Variants in UNC5C observed in about 807,000 individuals in gnomAD.
The protein encoded by UNC5C is netrin receptor UNC5C.
Under a neutral mutation model 99.8 loss-of-function variants are expected in UNC5C, and 47 were observed. The observed-to-expected ratio is 0.47, with a 90% CI of 0.37 to 0.60. UNC5C has a LOEUF of 0.60. Among genes scored for constraint, UNC5C ranks in the 20% least tolerant of loss-of-function variants. UNC5C has a pLI of 0.00. For missense variants in UNC5C, 1,062 were observed against 1,165.9 expected (o/e 0.91, Z 1.30); for synonymous variants, 487 against 452.2 (o/e 1.08, Z -0.98).
At chr4:95,425,891 A>C (rs1160593681) in intron 1 of UNC5C, among the ~76,000 whole-genome samples, 1 of 152,168 alleles carries the variant, frequency 6.6e-6, no homozygotes, top group Non-Finnish European at 1.5e-5. Context: ...TTCATGTTTT[A>C]AATTTTTATT....
chr4:95,435,608 A>G (rs9993627), intron 1 of UNC5C, among the ~76,000 whole-genome samples: 26,636 of 151,970 alleles, frequency 0.18, 2,799 homozygotes, highest in South Asian at 0.32. Flanking sequence ...CCCTTCAAAC[A>G]TCTAACAGGT....
intron 1 of UNC5C, among the ~76,000 whole-genome samples, chr4:95,429,229 T>C (rs1184550534): frequency 4.6e-5 from 7 of 151,500 alleles, no homozygotes; most frequent in South Asian, 4.2e-4. Flanking sequence ...ATTTGATTTT[T>C]ACTTGCTGGA....
intron 14 of UNC5C, among the ~76,000 whole-genome samples, chr4:95,176,063 G>A (rs1171618213): frequency 6.6e-5 from 10 of 151,006 alleles, no homozygotes; most frequent in Non-Finnish European, 5.9e-5. Flanking sequence ...CATTCTTCAC[G>A]TAGTTCTTGA....
intron 11 of UNC5C, among the ~76,000 whole-genome samples, chr4:95,204,024 C>T (rs1452610777): frequency 2.7e-5 from 4 of 146,104 alleles, no homozygotes; most frequent in Middle Eastern, 3.4e-3. Flanking sequence ...GCAGGGTGGG[C>T]TGGGATGGTG....
At chr4:95,501,785 G>A (rs1473670585) in intron 1 of UNC5C, among the ~76,000 whole-genome samples, 1 of 152,060 alleles carries the variant, frequency 6.6e-6, no homozygotes, top group African/African-American at 2.4e-5. Flanking sequence ...AGGGAGTTTT[G>A]AATTTCACGT....
In UNC5C at chr4:95,258,746, C is replaced by CTTTTTTTTTTTTTTTTTTTTTTTT. The variant is rs775570031; in HGVS notation, c.595-8103_595-8080dup. Reference sequence around the variant, plus strand: ...ACTATGTGTAATCGACCATCTTATTCTTTTTTTTTTTTTTTTTTTTTTTTT... The same window carrying CTTTTTTTTTTTTTTTTTTTTTTTT: ...ACTATGTGTAATCGACCATCTTATTCTTTTTTTTTTTTTTTTTTTTTTTTTTTTTTTTTTTTTTTTTTTTTTTTT... On this transcript the variant is annotated intron_variant, in intron 4 of 15. Transcript: ENST00000453304. Among the ~76,000 whole-genome samples, 23 of 76,042 alleles carry CTTTTTTTTTTTTTTTTTTTTTTTT rather than the reference C, an allele frequency of 3.0e-4. 3 individuals carry two copies. Among genetic ancestry groups the CTTTTTTTTTTTTTTTTTTTTTTTT allele is most frequent in the East Asian group, 1.1e-3 (2 of 1,890 alleles). 49.9% of individuals were successfully genotyped at this position (76,042 alleles called of 152,430 possible).
intron 2 of UNC5C, among the ~76,000 whole-genome samples, chr4:95,334,372 A>G (rs1743250125): frequency 6.6e-6 from 1 of 151,968 alleles, no homozygotes; most frequent in African/African-American, 2.4e-5. Flanking sequence ...GATATCTAGT[A>G]AGGGTAAAAA....
chr4:95,548,622 G>T, intron 1 of UNC5C, 112 bp downstream of exon 1: 1 of 1,356,362 alleles, frequency 7.4e-7, no homozygotes. Context: ...GTGGTTTCCA[G>T]TTGAAAGCAA....
chr4:95,270,823 CA>C (rs1487986409), intron 4 of UNC5C, among the ~76,000 whole-genome samples: 1 of 152,170 alleles, frequency 6.6e-6, no homozygotes, highest in African/African-American at 2.4e-5. Flanking sequence ...TTTTACAGGG[CA>C]AAAGGGCAAC....
intron 1 of UNC5C, among the ~76,000 whole-genome samples, chr4:95,400,652 G>A (rs1531867): frequency 0.27 from 40,534 of 151,944 alleles, 8,100 homozygotes; most frequent in African/African-American, 0.56. Context: ...CGGTCTCCCA[G>A]AGTGCTGGGA....
intron 1 of UNC5C, among the ~76,000 whole-genome samples, chr4:95,403,393 A>G (rs2149449227): frequency 6.6e-6 from 1 of 152,264 alleles, no homozygotes; most frequent in Admixed American, 6.5e-5. Context: ...CACACTTGGG[A>G]ACCAGCTCAG....
chr4:95,175,487 T>C (rs1038137734), intron 14 of UNC5C, among the ~76,000 whole-genome samples: 2 of 151,660 alleles, frequency 1.3e-5, no homozygotes, highest in Non-Finnish European at 3.0e-5. Context: ...GTATTTTATT[T>C]CTCCTTCACT....
At chr4:95,476,104 C>G (rs1308319356) in intron 1 of UNC5C, among the ~76,000 whole-genome samples, 5 of 152,094 alleles carry the variant, frequency 3.3e-5, no homozygotes, top group Non-Finnish European at 5.9e-5. Context: ...TTGTTCAACT[C>G]CTTACTTCAA....
At chr4:95,511,419 A>T (rs1195108387) in intron 1 of UNC5C, among the ~76,000 whole-genome samples, 1 of 152,162 alleles carries the variant, frequency 6.6e-6, no homozygotes, top group Non-Finnish European at 1.5e-5. Flanking sequence ...AATTATTAGG[A>T]AAAATGGAAG....
intron 1 of UNC5C, among the ~76,000 whole-genome samples, chr4:95,394,858 A>G (rs1261052875): frequency 2.0e-5 from 3 of 152,150 alleles, no homozygotes; most frequent in Non-Finnish European, 2.9e-5. Flanking sequence ...ACTCTCCTCT[A>G]TCTCTGACAC....
chr4:95,255,025 G>A (rs926169032), intron 4 of UNC5C, among the ~76,000 whole-genome samples: 9 of 150,974 alleles, frequency 6.0e-5, no homozygotes, highest in Admixed American at 2.0e-4. Flanking sequence ...AAGTCTCACC[G>A]TGTGCAGTGG....
At position 95,167,444 on chromosome 4, in the gene UNC5C, T is replaced by C. The variant is rs1019857447; in HGVS notation, c.*1790A>G. ...TTTTTAAAGAGCTAACTAGACAGCT[T>C]TTATAAATGCTACTGAATATTATGA... is the stretch of plus-strand genomic sequence containing the variant. On this transcript the variant is annotated 3_prime_UTR_variant, in exon 16 of 16. Transcript: ENST00000453304. The C allele has an allele frequency of 2.0e-5, 3 of 152,166 alleles. No homozygotes were observed. Among genetic ancestry groups the C allele is most frequent in the African/African-American group, 7.2e-5 (3 of 41,440 alleles). 9.4% of individuals were successfully genotyped at this position (152,166 alleles called of 1,614,324 possible).
intron 2 of UNC5C, among the ~76,000 whole-genome samples, chr4:95,324,111 A>G (rs1742800710): frequency 6.6e-6 from 1 of 152,186 alleles, no homozygotes; most frequent in Admixed American, 6.5e-5. Context: ...ATGCTAATAC[A>G]GAGGTCCCCA....
At chr4:95,472,855 T>C (rs1238388650) in intron 1 of UNC5C, among the ~76,000 whole-genome samples, 3 of 151,906 alleles carry the variant, frequency 2.0e-5, no homozygotes, top group Non-Finnish European at 4.4e-5. Flanking sequence ...GCAATCTGTC[T>C]CATTAATGTA....
Sources: gnomAD v4.1 joint callset for allele counts (sites outside exome capture counted in the v4.1 genomes callset) on GRCh38, gnomAD v4.1.1 for gene constraint, MANE v1.5 for transcripts, NCBI Gene and HGNC (gene_info 2026-07-23, HGNC 2026-07-21) for gene names.